ESPN: variants seen among roughly 807,000 people sequenced by gnomAD.
ESPN encodes autosomal recessive deafness type 36 protein.
In ESPN, 68 loss-of-function variants were observed where a neutral mutation model predicts 77.7. The ratio of observed to expected loss-of-function variants is 0.87; its 90% CI spans 0.72 to 1.07. The LOEUF (loss-of-function observed/expected upper bound fraction) is 1.07, where lower values mean the gene tolerates loss of function less well. Ranked by LOEUF, ESPN falls within the 50% of genes least tolerant of loss-of-function variation. ESPN has a pLI of 0.00. For synonymous variants in ESPN, 449 were observed against 567.1 expected, an observed-to-expected ratio of 0.79 and a Z score of 2.96; for missense variants, 1,060 against 1,239.0, an observed-to-expected ratio of 0.86 and a Z score of 2.17.
intron 3 of ESPN, 30 bp from the exon 4 acceptor site, chr1:6,440,596 C>A: frequency 8.9e-7 from 1 of 1,127,586 alleles, no homozygotes; most frequent in Non-Finnish European, 1.2e-6. Flanking sequence ...GCCCAGCCCC[C>A]GCCCCCCTCT....
rs1002916001 is a variant in ESPN, at chr1:6,427,713, C to T, written c.295-513C>T. On this transcript the variant is annotated intron_variant, in intron 1 of 12. Transcript: ENST00000645284. This position sits in a 1 kb window ranked among gnomAD's most constrained non-coding sequence, Gnocchi z 4.6. ...ACCAAGGTGGAGGTCTCTGTTCCCACGTGACACCGAGGAAGGGTGGAGAGA... is the reference window on the plus strand; with the variant it reads ...ACCAAGGTGGAGGTCTCTGTTCCCATGTGACACCGAGGAAGGGTGGAGAGA... Among the ~76,000 whole-genome samples, 1 of 152,216 alleles carries T rather than the reference C, an allele frequency of 6.6e-6. No homozygotes were observed. Among genetic ancestry groups the T allele is most frequent in the African/African-American group, 2.4e-5 (1 of 41,468 alleles).
Position 6,449,065 on chromosome 1 carries a change from A to G in ESPN, c.1889A>G (p.Gln630Arg). 6.7e-7 allele frequency: 1 copy of G among 1,483,052 alleles called. No homozygotes were observed. Among genetic ancestry groups the G allele is most frequent in the Non-Finnish European group, 8.9e-7 (1 of 1,123,766 alleles). 91.9% of individuals were successfully genotyped at this position (1,483,052 alleles called of 1,614,324 possible). The change falls in exon 8 of 13, where the codon CAG (glutamine) becomes CGG (arginine). Residue 630 changes from glutamine (Q) to arginine (R), a missense_variant. Physicochemically the swap from Gln to Arg is conservative, Grantham distance 43. This residue lies in a region of ESPN where 374 missense variants were observed against 381.4 expected (regional missense o/e 0.98). Coordinates refer to ENST00000645284, the MANE Select transcript of ESPN (RefSeq NM_031475.3). The stretch of plus-strand genomic sequence containing the variant: ...GAGAGCGCTGGCCCTGGCTGCGGGC[A>G]GCGCCGCTCCTCCTCGTCCACCGGC... ...PLESAGPGCGQRRSSSSTGST... is the reference protein window; with the variant it reads ...PLESAGPGCGRRRSSSSTGST...
chr1:6,438,771 G>T (rs112932786), intron 2 of ESPN, among the ~76,000 whole-genome samples: 2,285 of 152,364 alleles, frequency 0.015, 21 homozygotes, highest in Non-Finnish European at 0.022. Context: ...ATTCTGGCAG[G>T]TCCCCTGCTA....
intron 2 of ESPN, among the ~76,000 whole-genome samples, chr1:6,430,354 C>T (rs1039909452): frequency 2.0e-5 from 3 of 152,200 alleles, no homozygotes; most frequent in Admixed American, 6.5e-5. Context: ...GGCCACGGGA[C>T]GAGGAAGTGA....
chr1:6,461,292 A>C, downstream of ESPN: 1 of 1,055,058 alleles, frequency 9.5e-7, no homozygotes, highest in Non-Finnish European at 1.4e-6. This position sits in a 1 kb window ranked among gnomAD's most constrained non-coding sequence, Gnocchi z 6.3. Context: ...AGGGGCGAGC[A>C]GGGGTGGGGC....
Position 6,440,343 on chromosome 1 carries a change from A to G in ESPN, c.578A>G (p.Gln193Arg). ...CTGGAGGTGACCCAGTACCTGGTGC[A>G]GGAATGCGGCGCAGACCCGCACGCG... Reference protein sequence around the residue: ...GHLEVTQYLVQECGADPHARA... With the variant: ...GHLEVTQYLVRECGADPHARA... Residue 193 changes from glutamine to arginine, a missense_variant, in exon 3 of 13, where the codon CAG (glutamine) becomes CGG (arginine). Transcript: ENST00000645284. The G allele has an allele frequency of 6.3e-7, 1 of 1,583,344 alleles. No individual in the cohort carries two copies. The highest frequency in any genetic ancestry group is 1.1e-5 in the South Asian group (1 of 87,416).
intron 10 of ESPN, among the ~76,000 whole-genome samples, chr1:6,454,230 C>G (rs1238388564): frequency 2.6e-5 from 4 of 152,254 alleles, no homozygotes; most frequent in Non-Finnish European, 4.4e-5. Flanking sequence ...AAAGTGGACA[C>G]TGCCCAGAGC....
intron 2 of ESPN, among the ~76,000 whole-genome samples, chr1:6,430,702 C>T (rs766892395): frequency 1.3e-5 from 2 of 151,730 alleles, no homozygotes; most frequent in African/African-American, 4.8e-5. Context: ...ACCCGGCAGA[C>T]GGAGGTTGCG....
At chr1:6,455,470 G>A (rs868624952) in intron 10 of ESPN, 2 of 397,248 alleles carry the variant, frequency 5.0e-6, no homozygotes, top group Non-Finnish European at 8.9e-6. Flanking sequence ...GAACGGCTGC[G>A]GCAGCTGCTG....
At chr1:6,429,643 A>C (rs1643168501) in intron 2 of ESPN, among the ~76,000 whole-genome samples, 1 of 152,162 alleles carries the variant, frequency 6.6e-6, no homozygotes, top group African/African-American at 2.4e-5. Context: ...GAACTGGAGG[A>C]CGCTGAGCCC....
At position 6,440,804 on chromosome 1, in the gene ESPN, T is replaced by G; in HGVS notation, c.854T>G (p.Leu285Arg). 1 of 1,498,684 alleles carries G rather than the reference T, an allele frequency of 6.7e-7. No homozygotes were observed. Among genetic ancestry groups the G allele is most frequent in the Non-Finnish European group, 8.8e-7 (1 of 1,132,434 alleles). 92.8% of individuals were successfully genotyped at this position (1,498,684 alleles called of 1,614,324 possible). A position where few individuals can be genotyped will look rare whatever the true frequency, so the allele number is the denominator to read the frequency against. ...PLHDAAENGE[L>R]ECCQILVVNG... Reference sequence around the variant, plus strand: ...CACGACGCCGCCGAGAACGGGGAGCTAGAGGTCAGCGCGGGCCCGGGGTGG... The same window carrying G: ...CACGACGCCGCCGAGAACGGGGAGCGAGAGGTCAGCGCGGGCCCGGGGTGG... The change falls in exon 4 of 13, where the codon CTA becomes CGA. Residue 285 changes from leucine (L) to arginine (R), a missense_variant. Physicochemically the swap from Leu to Arg is moderately radical, Grantham distance 102 (BLOSUM62 -2). Transcript: ENST00000645284.
At position 6,451,274 on chromosome 1, in the gene ESPN, AGT is replaced by A. The variant is rs1190186583; in HGVS notation, c.1916-326_1916-325del. On this transcript the variant is annotated intron_variant, in intron 8 of 12. Coordinates refer to ENST00000645284, the MANE Select transcript of ESPN (RefSeq NM_031475.3). This position sits in a 1 kb window ranked among gnomAD's most constrained non-coding sequence, Gnocchi z 4.3. ...AAAGGTCAGGTGGCTGATTCCAGGT[AGT>A]GTTTTGGAGCTGGGCAGTCAGTGGC... is the stretch of plus-strand genomic sequence containing the variant. 1 of 415,212 alleles carries A rather than the reference AGT, an allele frequency of 2.4e-6. No individual in the cohort carries two copies. The highest frequency in any genetic ancestry group is 4.5e-6 in the Non-Finnish European group (1 of 220,756). 25.7% of individuals were successfully genotyped at this position (415,212 alleles called of 1,614,324 possible).
intron 5 of ESPN, among the ~76,000 whole-genome samples, chr1:6,442,257 G>A (rs535066831): frequency 3.3e-5 from 5 of 152,232 alleles, no homozygotes; most frequent in Admixed American, 6.5e-5. Context: ...TGTAATCTCC[G>A]TTACTCTTCA....
intron 2 of ESPN, among the ~76,000 whole-genome samples, chr1:6,438,332 G>A (rs1479724224): frequency 1.3e-5 from 2 of 152,246 alleles, no homozygotes; most frequent in Admixed American, 6.5e-5. Flanking sequence ...CTGTGCGCCA[G>A]GCACCAGGCC....
intron 1 of ESPN, among the ~76,000 whole-genome samples, chr1:6,425,480 TG>T (rs1279315810): frequency 1.3e-5 from 2 of 152,178 alleles, no homozygotes; most frequent in Non-Finnish European, 2.9e-5. Context: ...ACCTGGGTGA[TG>T]GGAGCCAGAA....
intron 8 of ESPN, 24 bp downstream of exon 8, chr1:6,449,115 C>T (rs748849545): frequency 4.5e-5 from 66 of 1,459,206 alleles, no homozygotes; most frequent in Non-Finnish European, 5.6e-5. Flanking sequence ...GGTTGAGGGG[C>T]GTGGGGCGGC....
intron 5 of ESPN, among the ~76,000 whole-genome samples, chr1:6,441,693 C>T (rs1643641390): frequency 6.6e-6 from 1 of 152,248 alleles, no homozygotes; most frequent in Admixed American, 6.5e-5. Flanking sequence ...TGGTACAATG[C>T]CTGCTATGAG....
At chr1:6,430,199 T>C (rs1363320033) in intron 2 of ESPN, among the ~76,000 whole-genome samples, 4 of 152,204 alleles carry the variant, frequency 2.6e-5, no homozygotes, top group Non-Finnish European at 5.9e-5. Flanking sequence ...CTTCATGCTC[T>C]TGTGAGCCTC....
chr1:6,448,546 C>T, intron 7 of ESPN, 95 bp from the exon 8 acceptor site: 4 of 1,151,388 alleles, frequency 3.5e-6, no homozygotes, highest in South Asian at 2.9e-5. Flanking sequence ...GGCCGCTGGC[C>T]GCGAGTCCCC....
Sources: allele counts gnomAD v4.1 joint callset (sites outside exome capture counted in the v4.1 genomes callset), GRCh38; gene constraint gnomAD v4.1.1; regional missense constraint gnomAD v4.1.1; non-coding constraint Gnocchi (gnomAD v3.1); transcripts MANE v1.5; gene names NCBI Gene and HGNC (gene_info 2026-07-23, HGNC 2026-07-21).